Variants in TMEM132D observed in about 807,000 individuals in gnomAD.
TMEM132D encodes the protein mature OL transmembrane protein.
In TMEM132D, 21 loss-of-function variants were observed where a neutral mutation model predicts 62.3. That is an observed-to-expected ratio of 0.34 (90% CI 0.24 to 0.49). The LOEUF is 0.49. Among genes scored for constraint, TMEM132D ranks in the 20% least tolerant of loss-of-function variants. The pLI is 0.99. For missense variants in TMEM132D, 1,346 were observed against 1,402.8 expected (o/e 0.96, Z 0.65); for synonymous variants, 621 against 575.6 (o/e 1.08, Z -1.13).
At chr12:129,703,719 T>C (rs925524544) in intron 1 of TMEM132D, among the ~76,000 whole-genome samples, 2 of 152,170 alleles carry the variant, frequency 1.3e-5, no homozygotes, top group African/African-American at 4.8e-5. Flanking sequence ...TAATTCTTAC[T>C]TGAAGGAGAG....
intron 4 of TMEM132D, among the ~76,000 whole-genome samples, chr12:129,261,041 C>T (rs1187759896): frequency 1.3e-5 from 2 of 152,158 alleles, no homozygotes; most frequent in African/African-American, 4.8e-5. Flanking sequence ...AGTGGGATTG[C>T]TGGATCAAAT....
chr12:129,877,628 C>CACAGAGAGAGAG (rs869172595), intron 1 of TMEM132D, among the ~76,000 whole-genome samples: 1 of 146,854 alleles, frequency 6.8e-6, no homozygotes, highest in African/African-American at 2.6e-5. Context: ...CACACACACA[C>CACAGAGAGAGAG]AGAGAGAGAG....
intron 3 of TMEM132D, among the ~76,000 whole-genome samples, chr12:129,421,021 G>C (rs1872306660): frequency 1.3e-5 from 2 of 149,396 alleles, no homozygotes; most frequent in Admixed American, 1.3e-4. Flanking sequence ...GAGTGCAGTG[G>C]CGCAATCTCA....
chr12:129,875,996 G>A (rs1380482889), intron 1 of TMEM132D, among the ~76,000 whole-genome samples: 1 of 152,086 alleles, frequency 6.6e-6, no homozygotes, highest in East Asian at 1.9e-4. Flanking sequence ...TTATTTCCAA[G>A]AGCTTCAGTG....
chr12:129,670,699 A>G (rs926347191), intron 2 of TMEM132D, among the ~76,000 whole-genome samples: 8 of 152,276 alleles, frequency 5.3e-5, no homozygotes, highest in Middle Eastern at 3.4e-3. Flanking sequence ...CTCTTCCTCT[A>G]TTTCAATCCC....
Position 129,531,117 on chromosome 12 carries a change from C to A in TMEM132D, c.1057G>T (p.Gly353Ter). The change falls in exon 3 of 9, where the codon GGA becomes TGA. Residue 353 changes from glycine to a stop codon, truncating the protein, a stop_gained. Coordinates refer to ENST00000422113, the MANE Select transcript of TMEM132D (RefSeq NM_133448.3). LOFTEE classifies it high-confidence loss of function. ...WDVKERTDYT[G>*]KYAPAVIVCQ... ...ACGATGACAGCTGGTGCATACTTTCCAGTATAATCCGTGCGCTCCTTGACA... is the reference window on the plus strand; with the variant it reads ...ACGATGACAGCTGGTGCATACTTTCAAGTATAATCCGTGCGCTCCTTGACA... The A allele has an allele frequency of 6.2e-7, 1 of 1,614,048 alleles. No individual in the cohort carries two copies. Among genetic ancestry groups the A allele is most frequent in the Non-Finnish European group, 8.5e-7 (1 of 1,179,952 alleles).
chr12:129,759,803 T>C (rs2398487), intron 1 of TMEM132D, among the ~76,000 whole-genome samples: 50,224 of 152,026 alleles, frequency 0.33, 8,621 homozygotes, highest in African/African-American at 0.44. Flanking sequence ...ACCATGAAAC[T>C]ATAGGTTTTC....
At position 129,337,821 on chromosome 12, in the gene TMEM132D, G is replaced by C. The variant is rs1340831047; in HGVS notation, c.1116-4C>G. ...CTCGTAGGAGGCGCCATCCGCACTG[G>C]AGAGAAGACACAGAGGAGAACAGCT... On this transcript the variant is annotated splice_region_variant and splice_polypyrimidine_tract_variant and intron_variant, in intron 3 of 8. Coordinates refer to ENST00000422113, the MANE Select transcript of TMEM132D (RefSeq NM_133448.3). 1.2e-6 allele frequency: 2 copies of C among 1,602,546 alleles called. No individual in the cohort carries two copies. The highest frequency in any genetic ancestry group is 2.2e-5 in the East Asian group (1 of 44,674).
At chr12:129,447,313 C>T (rs953270908) in intron 3 of TMEM132D, among the ~76,000 whole-genome samples, 1 of 152,160 alleles carries the variant, frequency 6.6e-6, no homozygotes, top group Non-Finnish European at 1.5e-5. Flanking sequence ...CAAACGTAAC[C>T]CTTTCATTCA....
chr12:129,572,349 G>A (rs903481766), intron 2 of TMEM132D, among the ~76,000 whole-genome samples: 6 of 152,248 alleles, frequency 3.9e-5, no homozygotes, highest in Non-Finnish European at 7.3e-5. Context: ...GACGGTGCCC[G>A]GTGTCCCACA....
At chr12:129,801,746 C>T (rs375114871) in intron 1 of TMEM132D, among the ~76,000 whole-genome samples, 2,537 of 147,886 alleles carry the variant, frequency 0.017, 71 homozygotes, top group South Asian at 0.089. Flanking sequence ...CTCTGAGCTA[C>T]GGGAGGACAT....
intron 3 of TMEM132D, among the ~76,000 whole-genome samples, chr12:129,484,325 T>TC (rs1376635823): frequency 6.6e-6 from 1 of 152,192 alleles, no homozygotes; most frequent in Non-Finnish European, 1.5e-5. Flanking sequence ...GCATCAACTG[T>TC]CCCTTAACTC....
At chr12:129,158,931 C>A (rs1374240722) in intron 5 of TMEM132D, among the ~76,000 whole-genome samples, 2 of 152,260 alleles carry the variant, frequency 1.3e-5, no homozygotes, top group African/African-American at 4.8e-5. Flanking sequence ...AGAGAGGAAG[C>A]AAGGGAAATG....
chr12:129,178,438 T>G (rs59112734), intron 5 of TMEM132D, among the ~76,000 whole-genome samples: 43,120 of 148,572 alleles, frequency 0.29, 6,729 homozygotes, highest in East Asian at 0.52. Context: ...CATCTGTTTT[T>G]TTTTTTTTTT....
intron 1 of TMEM132D, chr12:129,855,054 A>G (rs1197363525): frequency 6.5e-6 from 1 of 152,782 alleles, no homozygotes; most frequent in Non-Finnish European, 1.5e-5. Flanking sequence ...ATGCAAGACA[A>G]TCAGGGAACA....
intron 3 of TMEM132D, among the ~76,000 whole-genome samples, chr12:129,525,200 C>T (rs1176246042): frequency 1.6e-5 from 2 of 123,382 alleles, no homozygotes; most frequent in Non-Finnish European, 3.2e-5. Flanking sequence ...GCTGGGATTA[C>T]GGGTATGAGC....
Position 129,073,727 on chromosome 12 carries a change from G to T in TMEM132D, c.*148C>A. On this transcript the variant is annotated 3_prime_UTR_variant, in exon 9 of 9. Coordinates refer to ENST00000422113, the MANE Select transcript of TMEM132D (RefSeq NM_133448.3). Reference sequence around the variant, plus strand: ...GATGCGGACTCCAGGCCTCGCCGCCGAGCCGGGGTCATTGGCTGAGGCTGT... The same window carrying T: ...GATGCGGACTCCAGGCCTCGCCGCCTAGCCGGGGTCATTGGCTGAGGCTGT... The T allele has an allele frequency of 2.9e-6, 2 of 691,768 alleles. No individual in the cohort carries two copies. Among genetic ancestry groups the T allele is most frequent in the Non-Finnish European group, 4.7e-6 (2 of 427,582 alleles). 42.9% of individuals were successfully genotyped at this position (691,768 alleles called of 1,614,324 possible).
chr12:129,105,552 A>T (rs1369151134), intron 5 of TMEM132D, among the ~76,000 whole-genome samples: 3 of 104,614 alleles, frequency 2.9e-5, no homozygotes, highest in East Asian at 6.6e-4. Context: ...ATAATAATAA[A>T]AAAAAAGAAA....
In TMEM132D at chr12:129,277,798, T is replaced by C. The variant is rs1385839333; in HGVS notation, c.1299+59836A>G. 6.6e-6 allele frequency among the ~76,000 whole-genome samples: 1 copy of C among 152,226 alleles called. No homozygotes were observed. The highest frequency in any genetic ancestry group is 1.5e-5 in the Non-Finnish European group (1 of 68,046). Reference sequence around the variant, plus strand: ...CTATGTCCTCTGGTGACACTCATGATGTGAATATGACAAAGTTTGGAAAAT... The same window carrying C: ...CTATGTCCTCTGGTGACACTCATGACGTGAATATGACAAAGTTTGGAAAAT... On this transcript the variant is annotated intron_variant, in intron 4 of 8. Transcript: ENST00000422113. The surrounding 1 kb of genome is among the most constrained non-coding windows in gnomAD (Gnocchi z 4.2).
Sources: gnomAD v4.1 joint callset for allele counts (sites outside exome capture counted in the v4.1 genomes callset) on GRCh38, gnomAD v4.1.1 for gene constraint, Gnocchi (gnomAD v3.1) non-coding constraint, MANE v1.5 for transcripts, NCBI Gene and HGNC (gene_info 2026-07-23, HGNC 2026-07-21) for gene names.